REM1: variants seen among roughly 807,000 people sequenced by gnomAD.
REM1 encodes RRAD and GEM like GTPase 1, also known as GTP-binding protein REM 1.
REM1 carries 20 observed loss-of-function variants against 27.0 expected under a neutral mutation model. That is an observed-to-expected ratio of 0.74 (90% CI 0.52 to 1.08). REM1 has a LOEUF of 1.08. Among genes scored for constraint, REM1 ranks in the 50% least tolerant of loss-of-function variants. REM1 has a pLI of 0.00. For synonymous variants in REM1, 159 were observed against 167.9 expected (o/e 0.95, Z 0.41); for missense variants, 405 against 407.0 (o/e 1.00, Z 0.04).
rs375760497 is a variant in REM1 at position 31,476,508 on chromosome 20, G to C, written c.63G>C (p.Leu21=). The change falls in exon 2 of 5, where the codon CTG becomes CTC. Residue 21 remains leucine, a synonymous_variant. Coordinates refer to ENST00000201979, the MANE Select transcript of REM1 (RefSeq NM_014012.6). ...TPLHRRASTP[L]PLSPRGHQPG... is the part of the protein sequence containing the mutation. ...TGCACCGGCGAGCCAGCACCCCACTGCCCCTGTCCCCACGGGGCCACCAGC... is the reference window on the plus strand; with the variant it reads ...TGCACCGGCGAGCCAGCACCCCACTCCCCCTGTCCCCACGGGGCCACCAGC... 6.2e-7 allele frequency: 1 copy of C among 1,613,626 alleles called. No homozygotes were observed. The highest frequency in any genetic ancestry group is 1.3e-5 in the African/African-American group (1 of 74,888).
chr20:31,481,446 C>A (rs922330205), intron 3 of REM1, among the ~76,000 whole-genome samples: 1 of 151,926 alleles, frequency 6.6e-6, no homozygotes, highest in Non-Finnish European at 1.5e-5. Flanking sequence ...GTGAAGCCCT[C>A]GCACACTCTG....
At chr20:31,482,653 C>T (rs946818517) in intron 4 of REM1, among the ~76,000 whole-genome samples, 165 bp downstream of exon 4, 1 of 152,160 alleles carries the variant, frequency 6.6e-6, no homozygotes, top group Non-Finnish European at 1.5e-5. Flanking sequence ...CACTCATCAC[C>T]CCCAAACCAG....
Position 31,484,793 on chromosome 20 carries a change from C to CTTTTTAATGATA in REM1, c.*363_*364insTTTTTAATGATA. 1 of 223,902 alleles carries CTTTTTAATGATA rather than the reference C, an allele frequency of 4.5e-6. No homozygotes were observed. The highest frequency in any genetic ancestry group is 8.7e-6 in the Non-Finnish European group (1 of 115,314). The allele number at this position is 223,902 out of a possible 1,614,324, so 13.9% of individuals were successfully genotyped here. A position where few individuals can be genotyped will look rare whatever the true frequency, so the allele number is the denominator to read the frequency against. ...CCCAGACCTCTCCATCTCGGCTCTT[C>CTTTTTAATGATA]CAGGCGTCTCCACCTACTGCCCTCC... On this transcript the variant is annotated 3_prime_UTR_variant, in exon 5 of 5. Transcript: ENST00000201979.
At chr20:31,482,591 T>A in intron 4 of REM1, 103 bp downstream of exon 4, 1 of 1,167,444 alleles carries the variant, frequency 8.6e-7, no homozygotes, top group Non-Finnish European at 1.2e-6. Flanking sequence ...AAGCTGCCCC[T>A]ACCCTGCAGC....
rs1980491937 is a variant in REM1, at chr20:31,476,276, A to G, written c.-170A>G. On this transcript the variant is annotated 5_prime_UTR_variant, in exon 2 of 5. Transcript: ENST00000201979. ...AAACCTAGGGACTTTCTGCCCCAAGAAGCTGAGGCACCTCCTACTCCCATC... is the reference window on the plus strand; with the variant it reads ...AAACCTAGGGACTTTCTGCCCCAAGGAGCTGAGGCACCTCCTACTCCCATC... 1.7e-6 allele frequency: 1 copy of G among 595,234 alleles called. No homozygotes were observed. Among genetic ancestry groups the G allele is most frequent in the Non-Finnish European group, 2.9e-6 (1 of 339,200 alleles). The allele number at this position is 595,234 out of a possible 1,614,324, so 36.9% of individuals were successfully genotyped here. A position where few individuals can be genotyped will look rare whatever the true frequency, so the allele number is the denominator to read the frequency against.
chr20:31,476,882 C>T, intron 2 of REM1, 97 bp downstream of exon 2: 2 of 985,502 alleles, frequency 2.0e-6, no homozygotes, highest in East Asian at 5.2e-5. Flanking sequence ...ACAAGTCATG[C>T]ACTGTTCAAC....
rs1326670850 is a variant in REM1 at position 31,476,639 on chromosome 20, A to G, written c.194A>G (p.Asp65Gly). Residue 65 changes from aspartate to glycine, a missense_variant, in exon 2 of 5, where the codon GAT becomes GGT. Transcript: ENST00000201979. ...CAGAAACCTTCACCTGCCCCAGATG[A>G]TTGGTCTTCTGAATCCAGCGACTCT... The part of the protein sequence containing the change: ...PTQKPSPAPD[D>G]WSSESSDSEG... 11 of 1,613,006 alleles carry G rather than the reference A, an allele frequency of 6.8e-6. No homozygotes were observed. The highest frequency in any genetic ancestry group is 1.1e-5 in the South Asian group (1 of 91,028).
Position 31,484,794 on chromosome 20 carries a change from CA to C in REM1, c.*365del. The stretch of plus-strand genomic sequence containing the variant: ...CCAGACCTCTCCATCTCGGCTCTTC[CA>C]GGCGTCTCCACCTACTGCCCTCCCA... On this transcript the variant is annotated 3_prime_UTR_variant, in exon 5 of 5. Coordinates refer to ENST00000201979, the MANE Select transcript of REM1 (RefSeq NM_014012.6). 1.8e-5 allele frequency: 4 copies of C among 221,480 alleles called. No homozygotes were observed. Among genetic ancestry groups the C allele is most frequent in the South Asian group, 3.1e-4 (2 of 6,360 alleles). The allele number at this position is 221,480 out of a possible 1,614,324, so 13.7% of individuals were successfully genotyped here.
chr20:31,483,768 G>C (rs1600581717), intron 4 of REM1, among the ~76,000 whole-genome samples: 1 of 105,814 alleles, frequency 9.5e-6, no homozygotes, highest in South Asian at 3.0e-4. Flanking sequence ...TTTGTGAACA[G>C]ACATCCAAAA....
rs113802150 is a variant in REM1, at chr20:31,480,167, G to A, written c.424-2120G>A. ...GCCCTCACCCTCAGCCTGGGCAACA[G>A]AGCAAGACTCCATCTCAATAAAGAT... On this transcript the variant is annotated intron_variant, in intron 3 of 4. Coordinates refer to ENST00000201979, the MANE Select transcript of REM1 (RefSeq NM_014012.6). 2.0e-5 allele frequency among the ~76,000 whole-genome samples: 3 copies of A among 151,582 alleles called. No homozygotes were observed. In the South Asian group the frequency reaches 6.3e-4, roughly 32 times the overall value.
chr20:31,484,640 C>G lies in REM1; in HGVS notation c.*210C>G, dbSNP rs952855195. Reference sequence around the variant, plus strand: ...CAGACGATGGGGCCGAAGCCCCAAGCTGGGCACAAAGTAGTTTTTTACGTG... The same window carrying G: ...CAGACGATGGGGCCGAAGCCCCAAGGTGGGCACAAAGTAGTTTTTTACGTG... On this transcript the variant is annotated 3_prime_UTR_variant, in exon 5 of 5. Coordinates refer to ENST00000201979, the MANE Select transcript of REM1 (RefSeq NM_014012.6). The G allele has an allele frequency of 3.2e-6, 2 of 615,674 alleles. No homozygotes were observed. The highest frequency in any genetic ancestry group is 3.9e-5 in the African/African-American group (2 of 51,322). 38.1% of individuals were successfully genotyped at this position (615,674 alleles called of 1,614,324 possible).
Position 31,476,724 on chromosome 20 carries a change from G to T in REM1, c.279G>T (p.Lys93Asn). 1 of 1,614,042 alleles carries T rather than the reference G, an allele frequency of 6.2e-7. No homozygotes were observed. ...TACTTGGAGATCCTGGAGTGGGGAA[G>T]ACCAGCTTGGCCAGCCTCTTTGCAG... ...VVLLGDPGVG[K>N]TSLASLFAGK... is the part of the protein sequence containing the mutation. Residue 93 changes from lysine (K) to asparagine (N), a missense_variant, in exon 2 of 5, where the codon AAG becomes AAT. Lys to Asn is a moderately conservative substitution (Grantham distance 94, BLOSUM62 0). Transcript: ENST00000201979.
chr20:31,482,553 G>T (rs772944545), intron 4 of REM1, 65 bp downstream of exon 4: 103 of 1,481,408 alleles, frequency 7.0e-5, no homozygotes, highest in South Asian at 1.7e-4. Flanking sequence ...CTCCTCCAGC[G>T]CTCTTCATCT....
At chr20:31,481,351 T>G (rs574006817) in intron 3 of REM1, among the ~76,000 whole-genome samples, 2 of 152,238 alleles carry the variant, frequency 1.3e-5, no homozygotes, top group South Asian at 4.2e-4. Context: ...ACTTCAGGCC[T>G]TAGCTCTGAC....
At position 31,482,372 on chromosome 20, in the gene REM1, A is replaced by C. The variant is rs1303163164; in HGVS notation, c.509A>C (p.Glu170Ala). Reference sequence around the variant, plus strand: ...TCCATCGCAGACCGAGGCAGCTTTGAGAGTGCCTCTGAGCTCCGCATCCAG... The same window carrying C: ...TCCATCGCAGACCGAGGCAGCTTTGCGAGTGCCTCTGAGCTCCGCATCCAG... Reference protein sequence around the residue: ...VYSIADRGSFESASELRIQLR... With the variant: ...VYSIADRGSFASASELRIQLR... Residue 170 changes from glutamate to alanine, a missense_variant, in exon 4 of 5, where the codon GAG becomes GCG. Glu to Ala is a moderately radical substitution (Grantham distance 107). Coordinates refer to ENST00000201979, the MANE Select transcript of REM1 (RefSeq NM_014012.6). The C allele has an allele frequency of 5.6e-6, 9 of 1,614,040 alleles. No homozygotes were observed. Among genetic ancestry groups the C allele is most frequent in the Non-Finnish European group, 7.6e-6 (9 of 1,180,040 alleles).
At position 31,484,285 on chromosome 20, in the gene REM1, C is replaced by G; in HGVS notation, c.752C>G (p.Ala251Gly). 1 of 1,590,430 alleles carries G rather than the reference C, an allele frequency of 6.3e-7. No homozygotes were observed. The highest frequency in any genetic ancestry group is 1.1e-5 in the South Asian group (1 of 87,954). Residue 251 changes from alanine to glycine, a missense_variant, in exon 5 of 5, where the codon GCG becomes GGG. Physicochemically the swap from Ala to Gly is moderately conservative, Grantham distance 60. Coordinates refer to ENST00000201979, the MANE Select transcript of REM1 (RefSeq NM_014012.6). ...RQLRLRRRDS[A>G]AKEPPAPRRP... ...CTGCGCTTGCGCCGCCGGGACAGTG[C>G]GGCCAAGGAACCCCCAGCACCCCGA... is the stretch of plus-strand genomic sequence containing the variant.
intron 3 of REM1, among the ~76,000 whole-genome samples, 163 bp downstream of exon 3, chr20:31,478,073 C>T (rs1980588287): frequency 6.6e-6 from 1 of 152,062 alleles, no homozygotes; most frequent in African/African-American, 2.4e-5. Flanking sequence ...CAATCCCAAA[C>T]AGAAGACCCT....
At chr20:31,483,256 C>G (rs143897951) in intron 4 of REM1, among the ~76,000 whole-genome samples, 1 of 152,172 alleles carries the variant, frequency 6.6e-6, no homozygotes, top group Non-Finnish European at 1.5e-5. Context: ...GCCAAGACCA[C>G]GCCACTGCAC....
Position 31,484,197 on chromosome 20 carries a change from A to C in REM1, c.664A>C (p.Ile222Leu). ...CGCTGTGGTGTTCGACTGTAAATTC[A>C]TCGAGACATCCGCCACGCTGCAGCA... ...ACAVVFDCKFIETSATLQHNV... is the reference protein window; with the variant it reads ...ACAVVFDCKFLETSATLQHNV... Residue 222 changes from isoleucine (I) to leucine (L), a missense_variant, in exon 5 of 5, where the codon ATC becomes CTC. Coordinates refer to ENST00000201979, the MANE Select transcript of REM1 (RefSeq NM_014012.6). 1 of 1,607,300 alleles carries C rather than the reference A, an allele frequency of 6.2e-7. No homozygotes were observed. Among genetic ancestry groups the C allele is most frequent in the Non-Finnish European group, 8.5e-7 (1 of 1,176,900 alleles).
Sources: gnomAD v4.1 joint callset for allele counts (sites outside exome capture counted in the v4.1 genomes callset) on GRCh38, gnomAD v4.1.1 for gene constraint, MANE v1.5 for transcripts, NCBI Gene and HGNC (gene_info 2026-07-23, HGNC 2026-07-21) for gene names.